Variants in EFHD1 observed in about 807,000 individuals in gnomAD.
The protein encoded by EFHD1 is EF-hand domain-containing protein D1.
Under a neutral mutation model 17.2 loss-of-function variants are expected in EFHD1, and 10 were observed. The observed-to-expected ratio is 0.58, with a 90% CI of 0.36 to 0.99. EFHD1 has a LOEUF of 0.99. Among genes scored for constraint, EFHD1 ranks in the 50% least tolerant of loss-of-function variants. EFHD1 has a pLI of 0.01. For missense variants in EFHD1, 310 were observed against 327.5 expected, an observed-to-expected ratio of 0.95 and a Z score of 0.41; for synonymous variants, 153 against 142.0, an observed-to-expected ratio of 1.08 and a Z score of -0.55.
intron 1 of EFHD1, chr2:232,661,919 C>T (rs945807377): frequency 1.3e-5 from 2 of 152,130 alleles, no homozygotes; most frequent in Admixed American, 6.6e-5. Flanking sequence ...GTTGTTTCCA[C>T]CTTTTGGCTG....
At chr2:232,664,022 C>A (rs1027894421) in intron 2 of EFHD1, among the ~76,000 whole-genome samples, 2 of 151,972 alleles carry the variant, frequency 1.3e-5, no homozygotes, top group African/African-American at 4.8e-5. Flanking sequence ...TCCAACTCAG[C>A]CTCAAGCGAT....
Position 232,615,321 on chromosome 2 carries a change from G to GTGTGTA in EFHD1, c.14+9153_14+9154insATGTGT, listed in dbSNP as rs1321310471. ...TTCAAGTGTCAACTATAGTGTGTGT[G>GTGTGTA]TGTGTGTGTGTGTGTGTGTGTGTGT... On this transcript the variant is annotated intron_variant, in intron 1 of 3. Coordinates refer to the EFHD1 transcript ENST00000409613. 5.4e-5 allele frequency among the ~76,000 whole-genome samples: 7 copies of GTGTGTA among 129,154 alleles called. No homozygotes were observed. In the East Asian group the frequency reaches 1.4e-3, roughly 25 times the overall value. The allele number at this position is 129,154 out of a possible 152,430, so 84.7% of individuals were successfully genotyped here.
At chr2:232,654,079 C>T (rs2106205987) in intron 1 of EFHD1, among the ~76,000 whole-genome samples, 1 of 151,852 alleles carries the variant, frequency 6.6e-6, no homozygotes, top group African/African-American at 2.4e-5. Context: ...TGGTGGTGGG[C>T]ACCTGTAATC....
intron 1 of EFHD1, among the ~76,000 whole-genome samples, chr2:232,648,391 G>A (rs1033783561): frequency 6.6e-6 from 1 of 151,884 alleles, no homozygotes; most frequent in Non-Finnish European, 1.5e-5. Flanking sequence ...AGCATTGGGA[G>A]TGACTGTTTC....
At chr2:232,678,299 A>G (rs1002532108) in intron 3 of EFHD1, among the ~76,000 whole-genome samples, 15 of 152,262 alleles carry the variant, frequency 9.9e-5, no homozygotes, top group Admixed American at 5.9e-4. Context: ...TAAAACTTCA[A>G]AAAATGGAAT....
At chr2:232,609,187 G>C (rs2106179931) in intron 1 of EFHD1, among the ~76,000 whole-genome samples, 1 of 149,436 alleles carries the variant, frequency 6.7e-6, no homozygotes, top group Non-Finnish European at 1.5e-5. Context: ...AGCCTCCCGA[G>C]TTATTGGGAT....
intron 1 of EFHD1, among the ~76,000 whole-genome samples, chr2:232,621,458 T>C (rs1694016387): frequency 6.6e-6 from 1 of 151,878 alleles, no homozygotes; most frequent in Admixed American, 6.6e-5. Context: ...TTTTTCTTTC[T>C]TTTTTTCTCT....
At chr2:232,660,414 T>A (rs1034446521) in intron 1 of EFHD1, among the ~76,000 whole-genome samples, 5 of 151,858 alleles carry the variant, frequency 3.3e-5, no homozygotes, top group Admixed American at 6.6e-5. Context: ...CAGGATGGTC[T>A]CGATCTTGTT....
chr2:232,639,353 TAAC>T (rs1694381020), intron 1 of EFHD1, among the ~76,000 whole-genome samples: 1 of 152,074 alleles, frequency 6.6e-6, no homozygotes, highest in South Asian at 2.1e-4. Context: ...CAGGAGACTT[TAAC>T]TTTTTTTTTT....
At chr2:232,677,780 A>T (rs1392394905) in intron 3 of EFHD1, among the ~76,000 whole-genome samples, 1 of 152,156 alleles carries the variant, frequency 6.6e-6, no homozygotes, top group Non-Finnish European at 1.5e-5. Flanking sequence ...ACACAGTTAA[A>T]TGTTGGGAAA....
At chr2:232,638,050 C>G (rs576077637) in intron 1 of EFHD1, 1 of 208,200 alleles carries the variant, frequency 4.8e-6, no homozygotes, top group Non-Finnish European at 9.9e-6. Context: ...AGAGAAAGTT[C>G]CCTCTCCATT....
intron 3 of EFHD1, among the ~76,000 whole-genome samples, chr2:232,674,061 A>C (rs1695128286): frequency 6.6e-6 from 1 of 151,916 alleles, no homozygotes; most frequent in Non-Finnish European, 1.5e-5. Flanking sequence ...GGCGCCCACC[A>C]CCACGCCCAG....
chr2:232,642,212 G>A (rs1013484234), intron 1 of EFHD1, among the ~76,000 whole-genome samples: 3 of 151,814 alleles, frequency 2.0e-5, no homozygotes, highest in Non-Finnish European at 2.9e-5. Flanking sequence ...GTGAAACCCC[G>A]TCTCTACTAA....
At chr2:232,667,490 T>C (rs2106214176) in intron 2 of EFHD1, among the ~76,000 whole-genome samples, 1 of 152,268 alleles carries the variant, frequency 6.6e-6, no homozygotes, top group Admixed American at 6.5e-5. Flanking sequence ...GGCCACTGTG[T>C]CTCGTCCTTG....
intron 1 of EFHD1, among the ~76,000 whole-genome samples, chr2:232,619,861 G>T (rs1323831367): frequency 1.3e-5 from 2 of 151,868 alleles, no homozygotes; most frequent in African/African-American, 2.4e-5. Context: ...CTATGATCAG[G>T]CCACTGCACT....
Position 232,609,912 on chromosome 2 carries a change from G to A in EFHD1, c.14+3739G>A, listed in dbSNP as rs572412296. Among the ~76,000 whole-genome samples, 3 of 152,336 alleles carry A rather than the reference G, an allele frequency of 2.0e-5. No homozygotes were observed. In the South Asian group the frequency reaches 6.2e-4, roughly 32 times the overall value. On this transcript the variant is annotated intron_variant, in intron 1 of 3. Coordinates refer to the EFHD1 transcript ENST00000409613. ...TTTCTCAGAGGAGAGAGTAACGTGGGAGAAGCACCGTTTGCCTTTGATACT... is the reference window on the plus strand; with the variant it reads ...TTTCTCAGAGGAGAGAGTAACGTGGAAGAAGCACCGTTTGCCTTTGATACT...
intron 1 of EFHD1, among the ~76,000 whole-genome samples, chr2:232,646,090 A>G (rs1694521536): frequency 1.3e-5 from 2 of 152,042 alleles, no homozygotes; most frequent in South Asian, 4.1e-4. Context: ...GGCCTCCCCC[A>G]TCCGTCCAAC....
chr2:232,631,216 A>T (rs571796851), upstream of EFHD1, among the ~76,000 whole-genome samples: 7 of 152,116 alleles, frequency 4.6e-5, no homozygotes, highest in African/African-American at 1.7e-4. Context: ...AACAAGAGCA[A>T]AACTCCGTCT....
chr2:232,633,851 C>A lies in EFHD1; in HGVS notation c.147C>A (p.Ala49=). The change falls in exon 1 of 4, where the codon GCC becomes GCA. Residue 49 remains alanine (A), a synonymous_variant. Transcript: ENST00000264059. ...AGCCTCCCGCCCGTGCGCCCACGGC[C>A]AGCGCCGACGCGGAGCTGAGCGCCC... is the stretch of plus-strand genomic sequence containing the variant. The part of the protein sequence containing the change: ...EPEPPARAPT[A]SADAELSAQL... 1 of 1,502,132 alleles carries A rather than the reference C, an allele frequency of 6.7e-7. No homozygotes were observed. Among genetic ancestry groups the A allele is most frequent in the African/African-American group, 1.4e-5 (1 of 69,104 alleles). 93.1% of individuals were successfully genotyped at this position (1,502,132 alleles called of 1,614,324 possible).
Sources: gnomAD v4.1 joint callset for allele counts (sites outside exome capture counted in the v4.1 genomes callset) on GRCh38, gnomAD v4.1.1 for gene constraint, MANE v1.5 for transcripts, NCBI Gene and HGNC (gene_info 2026-07-23, HGNC 2026-07-21) for gene names.